The following TAFA4 variants were observed in gnomAD, a reference collection of about 807,000 sequenced individuals.
TAFA4 encodes the protein chemokine-like protein TAFA-4.
A neutral mutation model predicts 21.1 loss-of-function variants in TAFA4; 20 were observed. The observed-to-expected ratio is 0.95, with a 90% CI of 0.67 to 1.38. The LOEUF is 1.38. Among genes scored for constraint, TAFA4 ranks in the 40% most tolerant of loss-of-function variants. The pLI is 0.00. For missense variants in TAFA4, 211 were observed against 180.9 expected, an observed-to-expected ratio of 1.17 and a Z score of -0.95; for synonymous variants, 71 against 67.4, an observed-to-expected ratio of 1.05 and a Z score of -0.26.
At chr3:68,787,653 C>G (rs899924369) in intron 3 of TAFA4, among the ~76,000 whole-genome samples, 2 of 152,242 alleles carry the variant, frequency 1.3e-5, no homozygotes, top group East Asian at 3.8e-4. Context: ...ACACCACAAG[C>G]AGCAACACTT....
At chr3:68,758,459 G>C (rs1575597665) in intron 3 of TAFA4, among the ~76,000 whole-genome samples, 1 of 152,112 alleles carries the variant, frequency 6.6e-6, no homozygotes, top group African/African-American at 2.4e-5. Flanking sequence ...TTATAAAGGG[G>C]AGTTCCCCTG....
At chr3:68,843,111 T>A (rs1704704181) in intron 3 of TAFA4, among the ~76,000 whole-genome samples, 1 of 152,158 alleles carries the variant, frequency 6.6e-6, no homozygotes, top group Admixed American at 6.5e-5. Context: ...GTTGAATCTA[T>A]AATTACTTTG....
At chr3:68,801,430 G>T (rs183632634) in intron 3 of TAFA4, among the ~76,000 whole-genome samples, 7 of 152,242 alleles carry the variant, frequency 4.6e-5, no homozygotes, top group Admixed American at 4.6e-4. Context: ...CCACCAGATG[G>T]CTCTTCAGTG....
chr3:68,783,757 G>GAAAGAAAGAAAC (rs1310357090), intron 3 of TAFA4, among the ~76,000 whole-genome samples: 3 of 149,066 alleles, frequency 2.0e-5, no homozygotes, highest in Admixed American at 1.3e-4. Context: ...AAGAAAGAAA[G>GAAAGAAAGAAAC]AAACAAAAAC....
intron 3 of TAFA4, among the ~76,000 whole-genome samples, chr3:68,873,670 T>C (rs115390786): frequency 0.013 from 2,022 of 152,312 alleles, 35 homozygotes; most frequent in African/African-American, 0.046. Flanking sequence ...CACATGTTCA[T>C]TTCTCTAGCT....
chr3:68,784,539 AGTGG>A (rs1307695942), intron 3 of TAFA4, among the ~76,000 whole-genome samples: 1 of 151,172 alleles, frequency 6.6e-6, no homozygotes, highest in East Asian at 2.0e-4. Context: ...CGTTCCTCCC[AGTGG>A]GTTTGTGGTC....
At chr3:68,743,386 G>A (rs980568822) in intron 4 of TAFA4, among the ~76,000 whole-genome samples, 3 of 151,994 alleles carry the variant, frequency 2.0e-5, no homozygotes, top group African/African-American at 7.2e-5. Flanking sequence ...GACCAGCCTA[G>A]CCAACGTGAT....
At position 68,917,949 on chromosome 3, in the gene TAFA4, G is replaced by A. The variant is rs578166604; in HGVS notation, c.-123+14291C>T. On this transcript the variant is annotated intron_variant, in intron 1 of 5. Coordinates refer to ENST00000295569, the MANE Select transcript of TAFA4 (RefSeq NM_182522.5). ...ATCTTTAGGAGTAATGATAATGTGC[G>A]TTTATACAATGAGCTGTAGTTTTCG... Among the ~76,000 whole-genome samples the A allele has an allele frequency of 7.9e-5, 12 of 152,100 alleles. No individual in the cohort carries two copies. The South Asian group carries it at 1.7e-3, about 21-fold the overall frequency.
chr3:68,793,834 C>A (rs758969459), intron 3 of TAFA4, among the ~76,000 whole-genome samples: 2 of 152,130 alleles, frequency 1.3e-5, no homozygotes, highest in Admixed American at 6.5e-5. Context: ...CAGAAAATGC[C>A]ATCCCTTTAC....
chr3:68,890,606 C>A (rs1409050494), intron 1 of TAFA4, among the ~76,000 whole-genome samples: 3 of 152,176 alleles, frequency 2.0e-5, no homozygotes, highest in Non-Finnish European at 4.4e-5. Context: ...ATTTACATCA[C>A]GATATGGCAT....
At chr3:68,816,175 G>T (rs1283839152) in intron 3 of TAFA4, among the ~76,000 whole-genome samples, 1 of 152,094 alleles carries the variant, frequency 6.6e-6, no homozygotes, top group Non-Finnish European at 1.5e-5. Flanking sequence ...TGGAGTGGGG[G>T]GAGGGAGGAG....
intron 3 of TAFA4, among the ~76,000 whole-genome samples, chr3:68,807,589 C>T (rs2106837947): frequency 6.6e-6 from 1 of 152,262 alleles, no homozygotes; most frequent in South Asian, 2.1e-4. Context: ...TTCACATAGG[C>T]AAAAACACAC....
intron 1 of TAFA4, among the ~76,000 whole-genome samples, chr3:68,926,685 G>C (rs2090110617): frequency 6.6e-6 from 1 of 152,084 alleles, no homozygotes; most frequent in Admixed American, 6.5e-5. Flanking sequence ...GGCTGAAGCG[G>C]GCAGATCACC....
chr3:68,887,803 G>A (rs1324339844), intron 1 of TAFA4, among the ~76,000 whole-genome samples: 1 of 152,042 alleles, frequency 6.6e-6, no homozygotes, highest in Non-Finnish European at 1.5e-5. Context: ...TGCCCTCAAG[G>A]TGCTAGCTTT....
At position 68,917,741 on chromosome 3, in the gene TAFA4, G is replaced by A. The variant is rs186118271; in HGVS notation, c.-123+14499C>T. Among the ~76,000 whole-genome samples, 110 of 116,670 alleles carry A rather than the reference G, an allele frequency of 9.4e-4. 1 individual carries two copies. In the East Asian group the frequency reaches 0.024, roughly 26 times the overall value. 76.5% of individuals were successfully genotyped at this position (116,670 alleles called of 152,430 possible). ...TGCACTCCAGCCTGGACGACAGAGC[G>A]AGACTCTGTCTCAAAAAAAAAAAAA... On this transcript the variant is annotated intron_variant, in intron 1 of 5. Coordinates refer to ENST00000295569, the MANE Select transcript of TAFA4 (RefSeq NM_182522.5).
chr3:68,792,700 T>G (rs1280713824), intron 3 of TAFA4, among the ~76,000 whole-genome samples: 6 of 152,192 alleles, frequency 3.9e-5, no homozygotes, highest in African/African-American at 1.4e-4. Context: ...TGGTCTGCGG[T>G]TGCACATGTA....
chr3:68,829,934 G>C (rs1043467808), intron 3 of TAFA4, among the ~76,000 whole-genome samples: 1 of 152,114 alleles, frequency 6.6e-6, no homozygotes, highest in African/African-American at 2.4e-5. Context: ...ATGTGTCGAG[G>C]AATTTATCCA....
At chr3:68,769,841 C>T (rs1575601707) in intron 3 of TAFA4, among the ~76,000 whole-genome samples, 1 of 152,166 alleles carries the variant, frequency 6.6e-6, no homozygotes, top group East Asian at 1.9e-4. Flanking sequence ...GCAGGGAACA[C>T]AACTCCTTTA....
At chr3:68,835,871 C>T (rs1013394776) in intron 3 of TAFA4, among the ~76,000 whole-genome samples, 1 of 152,226 alleles carries the variant, frequency 6.6e-6, no homozygotes, top group East Asian at 1.9e-4. Context: ...AATTTCACTT[C>T]AGGGCTGCCA....
Sources: allele counts gnomAD v4.1 joint callset (sites outside exome capture counted in the v4.1 genomes callset), GRCh38; gene constraint gnomAD v4.1.1; transcripts MANE v1.5; gene names NCBI Gene and HGNC (gene_info 2026-07-23, HGNC 2026-07-21).